GCNT2: variants seen among roughly 807,000 people sequenced by gnomAD.
The protein encoded by GCNT2 is N-acetyllactosaminide beta-1,6-N-acetylglucosaminyl-transferase.
In GCNT2, 34 loss-of-function variants were observed where a neutral mutation model predicts 34.2. The observed-to-expected ratio is 1.00, with a 90% CI of 0.76 to 1.32. The LOEUF (loss-of-function observed/expected upper bound fraction) is 1.32. GCNT2 is among the 40% of genes most tolerant of loss of function. The probability of loss-of-function intolerance (pLI) is 0.00; values close to 1 mark genes in which losing one functional copy is unlikely to be tolerated. For missense variants in GCNT2, 584 were observed against 489.4 expected (o/e 1.19, Z -1.82); for synonymous variants, 212 against 188.0 (o/e 1.13, Z -1.04).
At chr6:10,604,873 G>A (rs2327303) in intron 3 of GCNT2, among the ~76,000 whole-genome samples, 65,745 of 147,904 alleles carry the variant, frequency 0.44, 16,552 homozygotes, top group East Asian at 0.63. Flanking sequence ...AAAAGAAAAA[G>A]AAAAAGAAAG....
At chr6:10,568,115 C>G (rs530812891) in intron 3 of GCNT2, among the ~76,000 whole-genome samples, 14 of 152,252 alleles carry the variant, frequency 9.2e-5, no homozygotes, top group African/African-American at 3.4e-4. Context: ...AGTTCTTTCC[C>G]CCTTTGTGAT....
In GCNT2 at chr6:10,527,161, C is replaced by A. The variant is rs139821358; in HGVS notation, c.-468-313C>A. Among the ~76,000 whole-genome samples, 1,162 of 152,258 alleles carry A rather than the reference C, an allele frequency of 7.6e-3. 18 individuals are homozygous for A. The highest frequency in any genetic ancestry group is 0.026 in the African/African-American group (1,076 of 41,540). ...AAATAGTTGATTGTGCGGTGGCTCG[C>A]GCCTGTAATCCCAGCACTTTGGGAG... On this transcript the variant is annotated intron_variant, in intron 1 of 4. Transcript: ENST00000495262.
intron 3 of GCNT2, among the ~76,000 whole-genome samples, chr6:10,551,758 T>G (rs887012118): frequency 1.3e-5 from 2 of 150,796 alleles, no homozygotes; most frequent in Non-Finnish European, 3.0e-5. Context: ...TTTTTATTTT[T>G]TATTTATTCA....
intron 3 of GCNT2, among the ~76,000 whole-genome samples, chr6:10,599,946 A>G (rs895404751): frequency 6.6e-6 from 1 of 152,200 alleles, no homozygotes; most frequent in Non-Finnish European, 1.5e-5. Flanking sequence ...TAACAGAATG[A>G]TTTTGTGAAG....
At chr6:10,538,437 A>AATATATATATATATATATATATATATAT (rs1554127248) in intron 3 of GCNT2, among the ~76,000 whole-genome samples, 6 of 73,338 alleles carry the variant, frequency 8.2e-5, no homozygotes, top group African/African-American at 7.2e-4. Flanking sequence ...AAAAAAAAAA[A>AATATATATATATATATATATATATATAT]ATATATATAT....
intron 3 of GCNT2, among the ~76,000 whole-genome samples, chr6:10,534,598 T>G (rs1383384061): frequency 1.3e-5 from 2 of 152,172 alleles, no homozygotes; most frequent in East Asian, 3.9e-4. Context: ...GCAGCTGCCC[T>G]TTATGTAGCC....
chr6:10,533,238 G>A (rs138393518), intron 3 of GCNT2, among the ~76,000 whole-genome samples: 34 of 151,888 alleles, frequency 2.2e-4, no homozygotes, highest in African/African-American at 7.5e-4. Flanking sequence ...CCTGGGAGGC[G>A]GAGGTTGCAG....
chr6:10,556,074 T>G (rs1207218896), intron 3 of GCNT2: 27 of 1,182,026 alleles, frequency 2.3e-5, no homozygotes, highest in Non-Finnish European at 2.8e-5. Context: ...AAGAAAGAGA[T>G]ATGGGAAACT....
rs573240413 is a variant in GCNT2 at position 10,590,843 on chromosome 6, C to T, written c.926-30508C>T. 9.9e-5 allele frequency among the ~76,000 whole-genome samples: 15 copies of T among 152,282 alleles called. No homozygotes were observed. In the East Asian group the frequency reaches 2.3e-3, roughly 24 times the overall value. On this transcript the variant is annotated intron_variant, in intron 3 of 4. Transcript: ENST00000495262. ...CTGGGATTACAGGCATGAGCCACCGCGCCCGGCCTAATTTTGACCTATCTT... is the reference window on the plus strand; with the variant it reads ...CTGGGATTACAGGCATGAGCCACCGTGCCCGGCCTAATTTTGACCTATCTT...
chr6:10,571,916 A>G (rs1214941565), intron 3 of GCNT2, among the ~76,000 whole-genome samples: 3 of 149,414 alleles, frequency 2.0e-5, no homozygotes, highest in African/African-American at 5.1e-5. Context: ...ACCCCCTGAG[A>G]TAATGATTTG....
intron 3 of GCNT2, among the ~76,000 whole-genome samples, chr6:10,542,968 C>G (rs1762105154): frequency 6.9e-6 from 1 of 145,710 alleles, no homozygotes; most frequent in African/African-American, 2.6e-5. Flanking sequence ...AGTGCAATGC[C>G]ATGATCTCGG....
At chr6:10,573,258 AGTT>A (rs957584669) in intron 3 of GCNT2, 75 of 985,186 alleles carry the variant, frequency 7.6e-5, no homozygotes, top group Admixed American at 3.1e-4. Context: ...ATCAGAGAAA[AGTT>A]GTTGTGCAGA....
intron 3 of GCNT2, among the ~76,000 whole-genome samples, chr6:10,557,667 A>AT (rs1762786618): frequency 6.6e-6 from 1 of 151,970 alleles, no homozygotes; most frequent in African/African-American, 2.4e-5. Flanking sequence ...TTTAAAAAAA[A>AT]TTTTGTGCAG....
At chr6:10,535,923 A>G (rs993881362) in intron 3 of GCNT2, among the ~76,000 whole-genome samples, 2 of 152,164 alleles carry the variant, frequency 1.3e-5, no homozygotes, top group Non-Finnish European at 2.9e-5. Flanking sequence ...TGGATATTCC[A>G]TGGCAGGCAT....
intron 3 of GCNT2, among the ~76,000 whole-genome samples, chr6:10,567,620 C>A (rs564649016): frequency 9.4e-4 from 143 of 152,270 alleles, no homozygotes; most frequent in Non-Finnish European, 1.8e-3. Flanking sequence ...GTACATATTT[C>A]TTGGATGTAT....
chr6:10,605,208 ATTTTTTTTTTTTTT>A (rs869167781), intron 3 of GCNT2, among the ~76,000 whole-genome samples: 5 of 94,204 alleles, frequency 5.3e-5, no homozygotes, highest in Non-Finnish European at 9.9e-5. Flanking sequence ...TCATGTAGGA[ATTTTTTTTTTTTTT>A]TTTTTTTTTT....
At chr6:10,594,689 A>G (rs941905063) in intron 3 of GCNT2, among the ~76,000 whole-genome samples, 2 of 152,240 alleles carry the variant, frequency 1.3e-5, no homozygotes, top group East Asian at 3.8e-4. Context: ...TTCCTACACT[A>G]ATGAGATCCT....
At chr6:10,588,069 C>T (rs1015187691) in intron 3 of GCNT2, among the ~76,000 whole-genome samples, 1 of 152,172 alleles carries the variant, frequency 6.6e-6, no homozygotes, top group African/African-American at 2.4e-5. Flanking sequence ...TCCCCAATAA[C>T]ACGGCATTCC....
chr6:10,550,716 C>G (rs1026582579), intron 3 of GCNT2, among the ~76,000 whole-genome samples: 1 of 151,922 alleles, frequency 6.6e-6, no homozygotes, highest in Non-Finnish European at 1.5e-5. Context: ...CTCCTGGGCT[C>G]AAGTAATCCT....
Sources: allele counts gnomAD v4.1 joint callset (sites outside exome capture counted in the v4.1 genomes callset), GRCh38; gene constraint gnomAD v4.1.1; transcripts MANE v1.5; gene names NCBI Gene and HGNC (gene_info 2026-07-23, HGNC 2026-07-21).